Variants in RAB2A observed in about 807,000 individuals in gnomAD.
RAB2A encodes the protein RAB2A, member RAS oncogene family, also known as ras-related protein Rab-2A.
A neutral mutation model predicts 32.5 loss-of-function variants in RAB2A; 7 were observed. The observed-to-expected ratio is 0.22, with a 90% confidence interval of 0.12 to 0.40. The LOEUF (loss-of-function observed/expected upper bound fraction) is 0.40. RAB2A is among the 10% of genes least tolerant of loss of function. The pLI, the probability that RAB2A is intolerant of heterozygous loss-of-function variation, is 1.00. For missense variants in RAB2A, 108 were observed against 260.7 expected (o/e 0.41, Z 4.03); for synonymous variants, 79 against 85.2 (o/e 0.93, Z 0.40).
rs755555167 is a variant in RAB2A, at chr8:60,517,081, A to T, written c.-127A>T. The T allele has an allele frequency of 3.0e-6, 3 of 998,856 alleles. No homozygotes were observed. Among genetic ancestry groups the T allele is most frequent in the Non-Finnish European group, 4.2e-6 (3 of 722,778 alleles). 61.9% of individuals were successfully genotyped at this position (998,856 alleles called of 1,614,324 possible). A position where few individuals can be genotyped will look rare whatever the true frequency, so the allele number is the denominator to read the frequency against. ...CACAGCCCCTCACTCCCGGCGGCTGACAGCAGCAGCGGCGGCGGCGGGCGG... is the reference window on the plus strand; with the variant it reads ...CACAGCCCCTCACTCCCGGCGGCTGTCAGCAGCAGCGGCGGCGGCGGGCGG... On this transcript the variant is annotated 5_prime_UTR_variant, in exon 1 of 8. Coordinates refer to ENST00000262646, the MANE Select transcript of RAB2A (RefSeq NM_002865.3).
At chr8:60,584,398 T>TCGG in intron 4 of RAB2A, 108 bp downstream of exon 4, 1 of 915,420 alleles carries the variant, frequency 1.1e-6, no homozygotes, top group South Asian at 1.5e-5. Flanking sequence ...CCCCGGCTAC[T>TCGG]CACCTTTAAA....
chr8:60,526,791 A>G (rs1461992363), intron 1 of RAB2A, among the ~76,000 whole-genome samples: 1 of 152,086 alleles, frequency 6.6e-6, no homozygotes, highest in Non-Finnish European at 1.5e-5. Context: ...CAACACGGTG[A>G]AACCCCATCT....
At chr8:60,552,056 C>T (rs1342928718) in intron 1 of RAB2A, 1 of 142,328 alleles carries the variant, frequency 7.0e-6, no homozygotes, top group Non-Finnish European at 1.5e-5. Flanking sequence ...CAGGCTGGCA[C>T]GCAGTGGCGC....
intron 6 of RAB2A, among the ~76,000 whole-genome samples, chr8:60,611,097 T>A (rs868054023): frequency 6.6e-6 from 1 of 152,214 alleles, no homozygotes. Context: ...ACAACAGATA[T>A]TAGGTTTGAG....
At chr8:60,580,121 C>T (rs989760344) in intron 3 of RAB2A, among the ~76,000 whole-genome samples, 4 of 151,700 alleles carry the variant, frequency 2.6e-5, no homozygotes, top group African/African-American at 9.7e-5. Flanking sequence ...CCCAGCCTCC[C>T]AAGTAGCTGA....
At chr8:60,543,015 A>G (rs1807670814) in intron 1 of RAB2A, among the ~76,000 whole-genome samples, 1 of 152,054 alleles carries the variant, frequency 6.6e-6, no homozygotes, top group Non-Finnish European at 1.5e-5. Flanking sequence ...TGTATTCCCA[A>G]TTTTCTTTTC....
intron 2 of RAB2A, among the ~76,000 whole-genome samples, chr8:60,562,311 T>G (rs1037536088): frequency 2.7e-5 from 4 of 150,148 alleles, no homozygotes; most frequent in Admixed American, 2.0e-4. Flanking sequence ...TAGAAATCCA[T>G]TGTTCATAAT....
At chr8:60,575,093 G>GTT (rs59359164) in intron 3 of RAB2A, among the ~76,000 whole-genome samples, 14,925 of 127,558 alleles carry the variant, frequency 0.12, 845 homozygotes, top group East Asian at 0.23. Context: ...TTTTTTGGGG[G>GTT]TTTTTTTTTT....
intron 3 of RAB2A, among the ~76,000 whole-genome samples, chr8:60,581,678 T>C (rs1456515501): frequency 6.6e-6 from 1 of 151,950 alleles, no homozygotes; most frequent in Admixed American, 6.6e-5. Context: ...TGCTAAGCAG[T>C]TAAAGAAGAT....
At chr8:60,573,036 A>G (rs73259499) in intron 3 of RAB2A, among the ~76,000 whole-genome samples, 12,448 of 151,532 alleles carry the variant, frequency 0.082, 1,548 homozygotes, top group African/African-American at 0.27. Flanking sequence ...AGCCTTACGT[A>G]TGTTGTTTAA....
intron 1 of RAB2A, among the ~76,000 whole-genome samples, chr8:60,547,387 G>T (rs1183733145): frequency 6.6e-6 from 1 of 152,200 alleles, no homozygotes; most frequent in Non-Finnish European, 1.5e-5. Flanking sequence ...TTGTCATCAT[G>T]GCCCGTTCTC....
At chr8:60,530,164 A>T (rs1459164951) in intron 1 of RAB2A, among the ~76,000 whole-genome samples, 11 of 95,792 alleles carry the variant, frequency 1.1e-4, no homozygotes, top group Admixed American at 3.5e-4. Flanking sequence ...TTTTTTTTTG[A>T]GAGAGAGAGA....
Position 60,547,825 on chromosome 8 carries a change from G to T in RAB2A, c.47-11027G>T, listed in dbSNP as rs1316345784. Among the ~76,000 whole-genome samples, 205 of 122,514 alleles carry T rather than the reference G, an allele frequency of 1.7e-3. 2 individuals carry two copies. The highest frequency in any genetic ancestry group is 6.6e-3 in the African/African-American group (192 of 29,050). The allele number at this position is 122,514 out of a possible 152,430, so 80.4% of individuals were successfully genotyped here. A position where few individuals can be genotyped will look rare whatever the true frequency, so the allele number is the denominator to read the frequency against. On this transcript the variant is annotated intron_variant, in intron 1 of 7. Coordinates refer to ENST00000262646, the MANE Select transcript of RAB2A (RefSeq NM_002865.3). Reference sequence around the variant, plus strand: ...TCCCGGATGGGGCGGCTGGCCGGGCGGGGGGCTGACCCCCCCACCTCCCTC... The same window carrying T: ...TCCCGGATGGGGCGGCTGGCCGGGCTGGGGGCTGACCCCCCCACCTCCCTC...
At position 60,620,660 on chromosome 8, in the gene RAB2A, C is replaced by T. The variant is rs770912729; in HGVS notation, c.544-14C>T. 1.9e-6 allele frequency: 3 copies of T among 1,574,694 alleles called. No homozygotes were observed. The highest frequency in any genetic ancestry group is 2.2e-5 in the South Asian group (2 of 90,326). On this transcript the variant is annotated splice_polypyrimidine_tract_variant and intron_variant, in intron 7 of 7. Transcript: ENST00000262646. The stretch of plus-strand genomic sequence containing the variant: ...GTCTGGTCATATTTATTGTTCTGTT[C>T]TCTTTTATTTCAGGCAAATGGCATT...
chr8:60,583,428 A>C (rs1018503835), intron 3 of RAB2A, among the ~76,000 whole-genome samples: 1 of 152,206 alleles, frequency 6.6e-6, no homozygotes, highest in African/African-American at 2.4e-5. Context: ...CCATGAGTAA[A>C]AGAGAAATTA....
At chr8:60,521,887 G>T (rs1356982472) in intron 1 of RAB2A, among the ~76,000 whole-genome samples, 1 of 152,188 alleles carries the variant, frequency 6.6e-6, no homozygotes, top group Non-Finnish European at 1.5e-5. Flanking sequence ...CTCCTTAAGT[G>T]CTGGGATTAC....
chr8:60,531,424 G>A (rs78056906), intron 1 of RAB2A, among the ~76,000 whole-genome samples: 2,431 of 152,242 alleles, frequency 0.016, 28 homozygotes, highest in Non-Finnish European at 0.024. Context: ...AGCAATGCCT[G>A]GATTATCTAT....
intron 6 of RAB2A, among the ~76,000 whole-genome samples, chr8:60,595,958 A>T (rs1804015325): frequency 6.6e-6 from 1 of 152,270 alleles, no homozygotes. Context: ...CTTGGAAACT[A>T]AACAGTACGC....
chr8:60,584,167 T>C (rs376687390), intron 3 of RAB2A, 41 bp from the exon 4 acceptor site: 2 of 1,424,244 alleles, frequency 1.4e-6, no homozygotes, highest in African/African-American at 1.4e-5. Context: ...GTAGAGGACA[T>C]TGTATTAAAG....
Sources: gnomAD v4.1 joint callset for allele counts (sites outside exome capture counted in the v4.1 genomes callset) on GRCh38, gnomAD v4.1.1 for gene constraint, MANE v1.5 for transcripts, NCBI Gene and HGNC (gene_info 2026-07-23, HGNC 2026-07-21) for gene names.